Variants in ST7 observed in about 807,000 individuals in gnomAD.
The protein encoded by ST7 is suppression of tumorigenicity 7, also known as suppressor of tumorigenicity 7 protein.
Under a neutral mutation model 78.7 loss-of-function variants are expected in ST7, and 28 were observed. That is an observed-to-expected ratio of 0.36 (90% CI 0.26 to 0.49). The LOEUF is 0.49. Ranked by LOEUF, ST7 falls within the 20% of genes least tolerant of loss-of-function variation. The pLI is 0.99. For synonymous variants in ST7, 247 were observed against 249.6 expected (o/e 0.99, Z 0.10); for missense variants, 418 against 696.0 (o/e 0.60, Z 4.49).
At chr7:117,112,323 A>G (rs1222677414) in intron 2 of ST7, 1 of 152,100 alleles carries the variant, frequency 6.6e-6, no homozygotes. Flanking sequence ...TTGAGTTACC[A>G]CTCCATGCCA....
intron 2 of ST7, among the ~76,000 whole-genome samples, chr7:117,110,564 A>G (rs574440571): frequency 3.3e-5 from 5 of 152,320 alleles, no homozygotes; most frequent in African/African-American, 1.2e-4. Flanking sequence ...AACCCAGGCC[A>G]TCTTGTGCAG....
chr7:117,092,094 T>G (rs529616068), intron 1 of ST7, among the ~76,000 whole-genome samples: 2 of 152,072 alleles, frequency 1.3e-5, no homozygotes, highest in African/African-American at 4.8e-5. Flanking sequence ...AGTCCCGTAC[T>G]CCATGTCCCA....
intron 1 of ST7, chr7:117,073,907 T>C (rs1176631449): frequency 6.6e-6 from 1 of 152,238 alleles, no homozygotes; most frequent in Non-Finnish European, 1.5e-5. Flanking sequence ...TGAACATTTC[T>C]TGAAGTATTG....
At chr7:117,206,044 T>C (rs1277598323) in intron 12 of ST7, among the ~76,000 whole-genome samples, 1 of 152,264 alleles carries the variant, frequency 6.6e-6, no homozygotes, top group Non-Finnish European at 1.5e-5. Context: ...ATGTTGCACA[T>C]GTTGAGAACT....
rs373145918 is a variant in ST7, at chr7:117,129,761, G to T, written c.395-32G>T. 5 of 1,573,614 alleles carry T rather than the reference G, an allele frequency of 3.2e-6. No individual in the cohort carries two copies. In the African/African-American group the frequency reaches 5.4e-5, roughly 17 times the overall value. On this transcript the variant is annotated intron_variant, in intron 3 of 15. Coordinates refer to ENST00000323984, the MANE Select transcript of ST7 (RefSeq NM_001369598.1). ...TAGCTTGTAGTGTCACTGAACTTAC[G>T]CGTAACATTTTCATATTTCTCTTTG...
intron 1 of ST7, among the ~76,000 whole-genome samples, chr7:116,992,608 C>T (rs536004693): frequency 4.8e-4 from 73 of 152,262 alleles, no homozygotes; most frequent in Non-Finnish European, 6.6e-4. Context: ...GAGAGGCTGC[C>T]GCAAAGGTCT....
chr7:117,073,974 A>G (rs982257708), intron 1 of ST7: 1 of 152,170 alleles, frequency 6.6e-6, no homozygotes, highest in Non-Finnish European at 1.5e-5. Flanking sequence ...ATGGAATTGG[A>G]TTTTTGACCT....
intron 1 of ST7, among the ~76,000 whole-genome samples, chr7:117,052,257 A>G (rs1403385502): frequency 6.6e-6 from 1 of 152,184 alleles, no homozygotes; most frequent in African/African-American, 2.4e-5. Flanking sequence ...GTAGGTATGT[A>G]TTTCAACTAG....
intron 3 of ST7, among the ~76,000 whole-genome samples, chr7:117,127,925 A>T (rs1460940756): frequency 6.6e-6 from 1 of 151,898 alleles, no homozygotes; most frequent in Non-Finnish European, 1.5e-5. Context: ...TTTAATTGAA[A>T]ACAGTTTTCT....
At chr7:117,226,785 A>G (rs1264988627) in intron 15 of ST7, among the ~76,000 whole-genome samples, 1 of 152,098 alleles carries the variant, frequency 6.6e-6, no homozygotes, top group African/African-American at 2.4e-5. Context: ...GTGGGAGAGT[A>G]AATTAGGCCC....
At chr7:116,994,472 C>T (rs1301131713) in intron 1 of ST7, among the ~76,000 whole-genome samples, 2 of 152,070 alleles carry the variant, frequency 1.3e-5, no homozygotes, top group Non-Finnish European at 2.9e-5. Flanking sequence ...GTTTAACTGA[C>T]CGGTGATTTT....
At chr7:117,113,008 A>T (rs961365530) in intron 2 of ST7, among the ~76,000 whole-genome samples, 1 of 152,246 alleles carries the variant, frequency 6.6e-6, no homozygotes, top group African/African-American at 2.4e-5. Context: ...GGTAGAACAG[A>T]TTAATGATAA....
chr7:116,959,500 T>A (rs908797989), intron 1 of ST7: 2 of 289,594 alleles, frequency 6.9e-6, no homozygotes, highest in African/African-American at 4.5e-5. Flanking sequence ...ATTCACTGGA[T>A]GAATGAATAT....
At chr7:117,116,481 C>T (rs13224314) in intron 2 of ST7, among the ~76,000 whole-genome samples, 26,122 of 152,064 alleles carry the variant, frequency 0.17, 2,883 homozygotes, top group South Asian at 0.28. Context: ...GGTGCTCGCC[C>T]AAAGCCTGAC....
intron 1 of ST7, among the ~76,000 whole-genome samples, chr7:117,007,912 C>T (rs763999442): frequency 4.6e-5 from 7 of 152,220 alleles, no homozygotes; most frequent in Non-Finnish European, 7.4e-5. Context: ...TCTCTAGAAA[C>T]ATTTTCCAAG....
intron 12 of ST7, among the ~76,000 whole-genome samples, chr7:117,192,362 A>C (rs777123228): frequency 1.3e-5 from 2 of 152,172 alleles, no homozygotes; most frequent in East Asian, 3.8e-4. Context: ...CTTGTGTTCC[A>C]CTTGTGATTC....
intron 1 of ST7, among the ~76,000 whole-genome samples, chr7:117,024,418 C>G (rs1444146304): frequency 6.6e-6 from 1 of 152,060 alleles, no homozygotes. Flanking sequence ...TTTGCTTTTT[C>G]AATTCTCAAG....
At chr7:117,041,006 T>C (rs1423219203) in intron 1 of ST7, among the ~76,000 whole-genome samples, 1 of 152,168 alleles carries the variant, frequency 6.6e-6, no homozygotes, top group Non-Finnish European at 1.5e-5. Context: ...TTTCTCTGGA[T>C]TGAGTAAAAG....
chr7:116,965,560 C>T (rs1483124865), intron 1 of ST7, among the ~76,000 whole-genome samples: 3 of 152,020 alleles, frequency 2.0e-5, no homozygotes, highest in Non-Finnish European at 4.4e-5. Context: ...ACATGTATCC[C>T]AGAACTTAAA....
Sources: gnomAD v4.1 joint callset for allele counts (sites outside exome capture counted in the v4.1 genomes callset) on GRCh38, gnomAD v4.1.1 for gene constraint, MANE v1.5 for transcripts, NCBI Gene and HGNC (gene_info 2026-07-23, HGNC 2026-07-21) for gene names.